Variants in GABRB1 observed in about 807,000 individuals in gnomAD.
GABRB1 encodes gamma-aminobutyric acid type A receptor subunit beta1.
In GABRB1, 17 loss-of-function variants were observed where a neutral mutation model predicts 51.6. The observed-to-expected ratio is 0.33, with a 90% CI of 0.23 to 0.49. The LOEUF is 0.49. GABRB1 is among the 20% of genes least tolerant of loss of function. GABRB1 has a pLI of 0.99. For synonymous variants in GABRB1, 247 were observed against 218.9 expected (o/e 1.13, Z -1.14); for missense variants, 410 against 600.6 (o/e 0.68, Z 3.32).
intron 8 of GABRB1, among the ~76,000 whole-genome samples, chr4:47,420,711 C>A (rs1425710872): frequency 2.0e-5 from 3 of 152,118 alleles, no homozygotes; most frequent in African/African-American, 7.2e-5. Flanking sequence ...TTTTGGAAAG[C>A]TGTGTCAGCT....
intron 5 of GABRB1, among the ~76,000 whole-genome samples, chr4:47,350,067 T>G (rs1726250727): frequency 6.6e-6 from 1 of 151,728 alleles, no homozygotes; most frequent in African/African-American, 2.4e-5. Flanking sequence ...GCAAAGTGAC[T>G]GCAATATGCT....
At chr4:47,014,341 T>A (rs1404509780) in intron 1 of GABRB1, among the ~76,000 whole-genome samples, 2 of 152,240 alleles carry the variant, frequency 1.3e-5, no homozygotes, top group Non-Finnish European at 2.9e-5. Context: ...TTTGTCAATA[T>A]AAATTTTCAA....
intron 4 of GABRB1, among the ~76,000 whole-genome samples, chr4:47,260,025 C>T (rs1013950964): frequency 2.0e-5 from 3 of 152,022 alleles, no homozygotes; most frequent in African/African-American, 4.8e-5. Context: ...TGGGTGCATA[C>T]ATATTTAGGA....
chr4:47,202,816 C>A (rs1204533803), intron 4 of GABRB1, among the ~76,000 whole-genome samples: 1 of 152,054 alleles, frequency 6.6e-6, no homozygotes, highest in African/African-American at 2.4e-5. Flanking sequence ...CTATCAATGC[C>A]ACTTCTTTTG....
At chr4:47,317,835 A>G (rs1363580816) in intron 4 of GABRB1, among the ~76,000 whole-genome samples, 1 of 151,844 alleles carries the variant, frequency 6.6e-6, no homozygotes, top group African/African-American at 2.4e-5. Context: ...GGAAGCCTCA[A>G]AAATACTCTG....
intron 4 of GABRB1, among the ~76,000 whole-genome samples, chr4:47,192,071 AAAAAC>A (rs577605747): frequency 9.9e-5 from 15 of 152,140 alleles, no homozygotes; most frequent in South Asian, 2.1e-4. Context: ...CCATCCTTGG[AAAAAC>A]AAAACAAAAC....
At chr4:47,373,766 C>G (rs765188767) in intron 5 of GABRB1, among the ~76,000 whole-genome samples, 3 of 152,082 alleles carry the variant, frequency 2.0e-5, no homozygotes, top group Non-Finnish European at 4.4e-5. Context: ...GCTCTGACGT[C>G]AAGAATTTCA....
chr4:47,080,773 G>A (rs1404694176), intron 3 of GABRB1, among the ~76,000 whole-genome samples: 1 of 152,112 alleles, frequency 6.6e-6, no homozygotes, highest in East Asian at 1.9e-4. Context: ...CAAAAACAAT[G>A]ATCCTTTAGG....
intron 5 of GABRB1, among the ~76,000 whole-genome samples, chr4:47,381,741 T>G (rs1243351663): frequency 6.6e-6 from 1 of 152,226 alleles, no homozygotes; most frequent in East Asian, 1.9e-4. Flanking sequence ...TTTTCTTTCC[T>G]GTCTATTTCT....
intron 5 of GABRB1, among the ~76,000 whole-genome samples, chr4:47,381,825 A>T (rs1727607645): frequency 6.6e-6 from 1 of 152,168 alleles, no homozygotes; most frequent in South Asian, 2.1e-4. Flanking sequence ...GAAGAGAATT[A>T]TTTAGGAAGT....
intron 5 of GABRB1, among the ~76,000 whole-genome samples, chr4:47,393,833 C>T (rs1728089644): frequency 6.6e-6 from 1 of 152,164 alleles, no homozygotes; most frequent in South Asian, 2.1e-4. Context: ...AAAGTAAGGC[C>T]ACACCTAACC....
intron 5 of GABRB1, among the ~76,000 whole-genome samples, chr4:47,350,553 T>C (rs1353080798): frequency 6.6e-6 from 1 of 151,814 alleles, no homozygotes; most frequent in Non-Finnish European, 1.5e-5. Context: ...TTAAAAAATG[T>C]GTATCACATC....
chr4:47,148,247 G>A (rs1295241638), intron 3 of GABRB1, among the ~76,000 whole-genome samples: 1 of 152,016 alleles, frequency 6.6e-6, no homozygotes, highest in Non-Finnish European at 1.5e-5. Context: ...ATGAGAATGA[G>A]GGTGGAGATG....
At chr4:47,404,926 A>G (rs1728518810) in intron 7 of GABRB1, among the ~76,000 whole-genome samples, 1 of 152,198 alleles carries the variant, frequency 6.6e-6, no homozygotes, top group Admixed American at 6.5e-5. Context: ...AATTGGAGAT[A>G]TTAGAGATGT....
intron 3 of GABRB1, among the ~76,000 whole-genome samples, chr4:47,114,202 T>A (rs1408280797): frequency 6.6e-6 from 1 of 152,172 alleles, no homozygotes; most frequent in East Asian, 1.9e-4. Context: ...CCAAGGCGTA[T>A]GAAGAGAACT....
At chr4:47,083,212 T>C (rs1369869259) in intron 3 of GABRB1, among the ~76,000 whole-genome samples, 1 of 152,162 alleles carries the variant, frequency 6.6e-6, no homozygotes, top group East Asian at 1.9e-4. Context: ...AGTGATTTAA[T>C]GATGACTTGA....
At chr4:47,264,209 A>T (rs911124251) in intron 4 of GABRB1, among the ~76,000 whole-genome samples, 4 of 152,180 alleles carry the variant, frequency 2.6e-5, no homozygotes, top group Admixed American at 6.5e-5. Flanking sequence ...AACAGAGTAG[A>T]TAGAAAGACT....
chr4:47,210,669 TGTATA>T (rs979213412), intron 4 of GABRB1, among the ~76,000 whole-genome samples: 19 of 151,370 alleles, frequency 1.3e-4, no homozygotes, highest in Non-Finnish European at 2.5e-4. Flanking sequence ...TTTAGATGGC[TGTATA>T]GTATTCATTC....
At chr4:47,375,443 G>A (rs1727343969) in intron 5 of GABRB1, among the ~76,000 whole-genome samples, 1 of 152,186 alleles carries the variant, frequency 6.6e-6, no homozygotes, top group Non-Finnish European at 1.5e-5. Flanking sequence ...CAGTGGGAGA[G>A]CTAGGTCATG....
Sources: gnomAD v4.1 joint callset for allele counts (sites outside exome capture counted in the v4.1 genomes callset) on GRCh38, gnomAD v4.1.1 for gene constraint, MANE v1.5 for transcripts, NCBI Gene and HGNC (gene_info 2026-07-23, HGNC 2026-07-21) for gene names.